The following MGAM2 variants were observed in gnomAD, a reference collection of about 807,000 sequenced individuals.
MGAM2 encodes the protein maltase-glucoamylase 2 (putative).
Under a neutral mutation model 96.1 loss-of-function variants are expected in MGAM2, and 98 were observed. The ratio of observed to expected loss-of-function variants is 1.02; its 90% CI spans 0.87 to 1.21. The LOEUF is 1.21. Ranked by LOEUF, MGAM2 falls within the 50% of genes most tolerant of loss-of-function variation. MGAM2 has a pLI of 0.00. For synonymous variants in MGAM2, 749 were observed against 414.8 expected (o/e 1.81, Z -9.79); for missense variants, 2,055 against 1,182.4 (o/e 1.74, Z -10.82).
rs1795467127 is a variant in MGAM2 at position 142,148,824 on chromosome 7, G to C, written c.1634+1251G>C. 6.6e-6 allele frequency among the ~76,000 whole-genome samples: 1 copy of C among 152,206 alleles called. No individual in the cohort carries two copies. Among genetic ancestry groups the C allele is most frequent in the Admixed American group, 6.5e-5 (1 of 15,284 alleles). ...GTGCTCTACAAGACAGGGAGACTTT[G>C]ATGGGTTTATGGGGCCTGTCTCAGT... On this transcript the variant is annotated intron_variant, in intron 15 of 47. Transcript: ENST00000477922. This position sits in a 1 kb window ranked among gnomAD's most constrained non-coding sequence, Gnocchi z 4.2.
At chr7:142,206,432 G>A (rs996672273) in intron 45 of MGAM2, among the ~76,000 whole-genome samples, 3 of 152,130 alleles carry the variant, frequency 2.0e-5, no homozygotes, top group Non-Finnish European at 4.4e-5. Context: ...TCTAAATATT[G>A]TAAAATGTCT....
intron 15 of MGAM2, among the ~76,000 whole-genome samples, chr7:142,149,685 CAG>C (rs1795503042): frequency 6.6e-6 from 1 of 151,996 alleles, no homozygotes; most frequent in Non-Finnish European, 1.5e-5. Flanking sequence ...GGACTACAGG[CAG>C]CTGCCACCAC....
chr7:142,157,393 ATTT>A (rs11287092), intron 17 of MGAM2, among the ~76,000 whole-genome samples: 41 of 142,706 alleles, frequency 2.9e-4, no homozygotes, highest in South Asian at 6.7e-4. Context: ...ACAGACACCA[ATTT>A]TTTTTTTTTT....
At position 142,140,900 on chromosome 7, in the gene MGAM2, A is replaced by G. The variant is rs1255525761; in HGVS notation, c.1185A>G (p.Leu395=). The part of the protein sequence containing the change: ...YSGLPDFVKE[L]HDNGQKYLII... ...GTCTCCCAGATTTTGTCAAGGAGTT[A>G]CATGACAATGGACAGAAATATCTTA... is the stretch of plus-strand genomic sequence containing the variant. Residue 395 remains leucine, a synonymous_variant, in exon 11 of 48, where the codon TTA becomes TTG. Coordinates refer to ENST00000477922, the MANE Select transcript of MGAM2 (RefSeq NM_001293626.2). The G allele has an allele frequency of 1.4e-6, 1 of 702,972 alleles. No individual in the cohort carries two copies. Among genetic ancestry groups the G allele is most frequent in the Non-Finnish European group, 2.6e-6 (1 of 384,958 alleles). 43.5% of individuals were successfully genotyped at this position (702,972 alleles called of 1,614,324 possible).
At chr7:142,126,241 C>A (rs935732635) in intron 3 of MGAM2, among the ~76,000 whole-genome samples, 3 of 151,858 alleles carry the variant, frequency 2.0e-5, no homozygotes, top group African/African-American at 7.2e-5. Flanking sequence ...TGTATTAATT[C>A]TTTTAATATA....
chr7:142,137,911 T>G (rs1365803094), intron 9 of MGAM2, among the ~76,000 whole-genome samples: 2 of 152,316 alleles, frequency 1.3e-5, no homozygotes, highest in East Asian at 1.9e-4. Flanking sequence ...TGACTCAAAT[T>G]ATAGAAAAGG....
Position 142,147,346 on chromosome 7 carries a change from G to A in MGAM2, c.1517-110G>A, listed in dbSNP as rs1173787413. 1.2e-5 allele frequency: 7 copies of A among 589,498 alleles called. No homozygotes were observed. The East Asian group carries it at 2.0e-4, about 17-fold the overall frequency. The allele number at this position is 589,498 out of a possible 1,614,324, so 36.5% of individuals were successfully genotyped here. ...TTAAAATCTGGAATGGATTTGGTCA[G>A]GTGGAGATTGGTGGGGAAGGTACAG... On this transcript the variant is annotated intron_variant, in intron 14 of 47. Coordinates refer to ENST00000477922, the MANE Select transcript of MGAM2 (RefSeq NM_001293626.2).
At chr7:142,216,547 C>A (rs1459122374) in intron 46 of MGAM2, among the ~76,000 whole-genome samples, 1 of 152,150 alleles carries the variant, frequency 6.6e-6, no homozygotes, top group Non-Finnish European at 1.5e-5. Context: ...GGTTGGTAAA[C>A]CAGCTTGTGG....
At chr7:142,119,935 T>C (rs185566870) in intron 2 of MGAM2, among the ~76,000 whole-genome samples, 44 of 152,362 alleles carry the variant, frequency 2.9e-4, no homozygotes, top group Admixed American at 2.2e-3. Context: ...AAAGTGTATG[T>C]TATTTCTTTT....
intron 14 of MGAM2, among the ~76,000 whole-genome samples, chr7:142,146,142 G>GTTTTTTTTTTTTTT (rs71166565): frequency 1.0e-4 from 11 of 108,968 alleles, no homozygotes; most frequent in South Asian, 3.2e-4. Context: ...AGTTTATCAT[G>GTTTTTTTTTTTTTT]TTTTTTTTTT....
At chr7:142,140,677 C>T (rs1269302886) in intron 10 of MGAM2, 125 bp from the exon 11 acceptor site, 7 of 560,844 alleles carry the variant, frequency 1.2e-5, no homozygotes, top group Admixed American at 1.0e-4. Flanking sequence ...GTAGCCAAGC[C>T]CTGGAAATTC....
intron 12 of MGAM2, among the ~76,000 whole-genome samples, chr7:142,143,378 A>G (rs1795291365): frequency 6.6e-6 from 1 of 152,226 alleles, no homozygotes; most frequent in South Asian, 2.1e-4. Context: ...ATTTATAATC[A>G]TACTTATTCA....
chr7:142,135,723 T>TGCAC (rs1554502849), intron 7 of MGAM2, among the ~76,000 whole-genome samples: 5 of 145,112 alleles, frequency 3.4e-5, no homozygotes, highest in African/African-American at 1.0e-4. Flanking sequence ...CACTTAGAGT[T>TGCAC]ACACACACAC....
At chr7:142,155,194 G>A (rs1795701506) in intron 17 of MGAM2, among the ~76,000 whole-genome samples, 1 of 152,170 alleles carries the variant, frequency 6.6e-6, no homozygotes, top group South Asian at 2.1e-4. Context: ...TCCCTCATAG[G>A]TATGGAGGAA....
intron 17 of MGAM2, among the ~76,000 whole-genome samples, chr7:142,155,670 AAGCAGGTGGCTGGG>A (rs954696967): frequency 2.6e-5 from 4 of 152,282 alleles, no homozygotes; most frequent in Non-Finnish European, 5.9e-5. Flanking sequence ...TAAATGTCTT[AAGCAGGTGGCTGGG>A]AGCAGGTGGG....
At chr7:142,140,697 T>C (rs1795193839) in intron 10 of MGAM2, 105 bp from the exon 11 acceptor site, 3 of 570,630 alleles carry the variant, frequency 5.3e-6, no homozygotes, top group Non-Finnish European at 9.3e-6. Flanking sequence ...CCAGGATCAT[T>C]AGAAAATATG....
At chr7:142,142,159 T>TA (rs1216643066) in intron 12 of MGAM2, among the ~76,000 whole-genome samples, 1 of 1,760 alleles carries the variant, frequency 5.7e-4, no homozygotes, top group Non-Finnish European at 2.4e-3. Flanking sequence ...TAATTCTATT[T>TA]ACTTTTTTTT....
rs1244339040 is a variant in MGAM2 at position 142,159,277 on chromosome 7, G to T, written c.2164-10G>T. 5 of 701,880 alleles carry T rather than the reference G, an allele frequency of 7.1e-6. No individual in the cohort carries two copies. The highest frequency in any genetic ancestry group is 1.5e-5 in the South Asian group (1 of 67,576). The allele number at this position is 701,880 out of a possible 1,614,324, so 43.5% of individuals were successfully genotyped here. ...TATGCTAATGCTACTCATTATTGTT[G>T]TTTACCTAGGGTGTGGACGAAGTGA... On this transcript the variant is annotated splice_polypyrimidine_tract_variant and intron_variant, in intron 19 of 47. Transcript: ENST00000477922.
At chr7:142,118,650 A>T (rs1196048967) in intron 2 of MGAM2, among the ~76,000 whole-genome samples, 1 of 152,188 alleles carries the variant, frequency 6.6e-6, no homozygotes, top group Admixed American at 6.5e-5. Context: ...GTGTATTTCC[A>T]ATGGGGCCAA....
Sources: allele counts gnomAD v4.1 joint callset (sites outside exome capture counted in the v4.1 genomes callset), GRCh38; gene constraint gnomAD v4.1.1; non-coding constraint Gnocchi (gnomAD v3.1); transcripts MANE v1.5; gene names NCBI Gene and HGNC (gene_info 2026-07-23, HGNC 2026-07-21).